Variants in DNAH3 observed in about 807,000 individuals in gnomAD.
DNAH3 encodes the protein dynein axonemal heavy chain 3, also known as axonemal beta dynein heavy chain 3.
DNAH3 carries 332 observed loss-of-function variants against 432.5 expected under a neutral mutation model. The ratio of observed to expected loss-of-function variants is 0.77; its 90% CI spans 0.70 to 0.84. The LOEUF is 0.84. Among genes scored for constraint, DNAH3 ranks in the 40% least tolerant of loss-of-function variants. The pLI is 0.00. For synonymous variants in DNAH3, 1,956 were observed against 1,900.2 expected (o/e 1.03, Z -0.76); for missense variants, 4,861 against 5,114.0 (o/e 0.95, Z 1.51).
intron 41 of DNAH3, among the ~76,000 whole-genome samples, chr16:21,005,839 C>CT (rs200954605): frequency 0.01 from 1,327 of 130,656 alleles, 9 homozygotes; most frequent in Middle Eastern, 0.024. Flanking sequence ...TTGCTCTATT[C>CT]TTTTTTTTTT....
At chr16:21,084,467 C>T (rs1031665642) in intron 19 of DNAH3, among the ~76,000 whole-genome samples, 6 of 152,148 alleles carry the variant, frequency 3.9e-5, no homozygotes, top group African/African-American at 1.4e-4. Flanking sequence ...GGACTACAGG[C>T]ATGTGCCACC....
At chr16:21,154,836 T>G (rs915191535) in intron 1 of DNAH3, among the ~76,000 whole-genome samples, 2 of 152,114 alleles carry the variant, frequency 1.3e-5, no homozygotes, top group Non-Finnish European at 2.9e-5. Flanking sequence ...GAAAGTGACT[T>G]CCCCCAGGCC....
chr16:21,084,559 C>T (rs963907922), intron 19 of DNAH3, among the ~76,000 whole-genome samples: 2 of 152,044 alleles, frequency 1.3e-5, no homozygotes, highest in African/African-American at 2.4e-5. Flanking sequence ...TGGGCTCAAG[C>T]GATCCACTTG....
chr16:21,139,320 C>CTTTTTTTTTTTTTTTTTTTTTTTTT lies in DNAH3; in HGVS notation c.696+1191_696+1215dup, dbSNP rs9302391. Among the ~76,000 whole-genome samples the CTTTTTTTTTTTTTTTTTTTTTTTTT allele has an allele frequency of 4.4e-4, 13 of 29,630 alleles. 3 individuals are homozygous for CTTTTTTTTTTTTTTTTTTTTTTTTT. The highest frequency in any genetic ancestry group is 6.5e-4 in the African/African-American group (4 of 6,110). 19.4% of individuals were successfully genotyped at this position (29,630 alleles called of 152,430 possible). ...AATGTAGCTTGAGACTTTCCTCATG[C>CTTTTTTTTTTTTTTTTTTTTTTTTT]TTTTTTTTTTTTTTTTTTTTTTTTT... On this transcript the variant is annotated intron_variant, in intron 5 of 61. Coordinates refer to ENST00000261383, the Ensembl canonical transcript of DNAH3.
intron 14 of DNAH3, among the ~76,000 whole-genome samples, chr16:21,107,945 C>T (rs2091985619): frequency 6.6e-6 from 1 of 151,928 alleles, no homozygotes; most frequent in African/African-American, 2.4e-5. Context: ...TTACGGCAAC[C>T]TCCGCCTCCT....
intron 54 of DNAH3, among the ~76,000 whole-genome samples, chr16:20,956,763 AC>A (rs2084583950): frequency 6.6e-6 from 1 of 152,100 alleles, no homozygotes; most frequent in African/African-American, 2.4e-5. Flanking sequence ...TCACTCTGTC[AC>A]CCAGGCTGGA....
intron 24 of DNAH3, chr16:21,062,971 A>G: frequency 3.0e-6 from 1 of 333,792 alleles, no homozygotes; most frequent in Non-Finnish European, 5.5e-6. Context: ...TACTGGCATG[A>G]GACATTGCAC....
intron 59 of DNAH3, among the ~76,000 whole-genome samples, chr16:20,941,181 G>A (rs572314648): frequency 2.0e-5 from 3 of 152,302 alleles, no homozygotes; most frequent in African/African-American, 7.2e-5. Context: ...TAACTTTATA[G>A]ATGTCACATG....
At chr16:20,942,090 TC>T (rs1233634951) in intron 58 of DNAH3, among the ~76,000 whole-genome samples, 4 of 130,440 alleles carry the variant, frequency 3.1e-5, no homozygotes, top group African/African-American at 1.2e-4. Context: ...AAAAAAAGAG[TC>T]GTGTCCTGAC....
Position 21,127,369 on chromosome 16 carries a change from A to G in DNAH3, c.1208+318T>C, listed in dbSNP as rs1017970480. Among the ~76,000 whole-genome samples the G allele has an allele frequency of 4.7e-5, 7 of 149,390 alleles. No individual in the cohort carries two copies. The South Asian group carries it at 6.5e-4, about 14-fold the overall frequency. ...AGATTGAGACCAGCTTGGCTAACAC[A>G]GTGAAACCCTGTCTCTACTAATAAT... On this transcript the variant is annotated intron_variant, in intron 8 of 61. Coordinates refer to ENST00000261383, the Ensembl canonical transcript of DNAH3.
intron 41 of DNAH3, among the ~76,000 whole-genome samples, chr16:21,008,628 T>C (rs2087435179): frequency 1.3e-5 from 2 of 152,188 alleles, no homozygotes; most frequent in Admixed American, 6.5e-5. Context: ...GCTTCCATGA[T>C]GGAGAGTTTC....
At chr16:21,114,718 G>C (rs111524010) in intron 12 of DNAH3, among the ~76,000 whole-genome samples, 1 of 152,160 alleles carries the variant, frequency 6.6e-6, no homozygotes, top group South Asian at 2.1e-4. Context: ...TTAGAATGGC[G>C]ATCATTAAAA....
chr16:21,123,755 T>C (rs907194895), intron 9 of DNAH3, among the ~76,000 whole-genome samples: 1 of 152,156 alleles, frequency 6.6e-6, no homozygotes, highest in African/African-American at 2.4e-5. Flanking sequence ...GGGAATGCTA[T>C]GGTGCTTTGA....
intron 59 of DNAH3, 116 bp downstream of exon 59, chr16:20,941,284 TA>T: frequency 7.9e-7 from 1 of 1,273,304 alleles, no homozygotes; most frequent in Non-Finnish European, 1.1e-6. Flanking sequence ...TTCACACCCC[TA>T]ATACGGGTGG....
exon 19 of DNAH3, chr16:21,086,929 T>C: frequency 1.9e-6 from 3 of 1,614,202 alleles, no homozygotes; most frequent in South Asian, 2.2e-5. Flanking sequence ...TTATCGATCT[T>C]GATCTTCACA....
At chr16:20,984,161 A>ATGTG (rs61445558) in intron 48 of DNAH3, among the ~76,000 whole-genome samples, 28,220 of 150,612 alleles carry the variant, frequency 0.19, 2,775 homozygotes, top group South Asian at 0.28. Flanking sequence ...CCTTATCCCA[A>ATGTG]TGTGTGTGTG....
In DNAH3 at chr16:21,012,910, C is replaced by T. The variant is rs538467315; in HGVS notation, c.6022+6714G>A. Among the ~76,000 whole-genome samples the T allele has an allele frequency of 7.2e-5, 11 of 152,064 alleles. No individual in the cohort carries two copies. In the South Asian group the frequency reaches 1.2e-3, roughly 17 times the overall value. On this transcript the variant is annotated intron_variant, in intron 41 of 61. Coordinates refer to ENST00000261383, the Ensembl canonical transcript of DNAH3. ...CTGAGTAGGTGGGACTACAGGTGAG[C>T]GCTACCACACCCAGCTAATTTTCGT...
intron 40 of DNAH3, 107 bp from the exon 41 acceptor site, chr16:21,019,976 C>G: frequency 7.8e-7 from 1 of 1,283,364 alleles, no homozygotes; most frequent in Non-Finnish European, 1.1e-6. Flanking sequence ...AGAAGGGCGA[C>G]TGATATTGGC....
intron 1 of DNAH3, among the ~76,000 whole-genome samples, chr16:21,155,659 A>C (rs2092893311): frequency 6.6e-6 from 1 of 150,780 alleles, no homozygotes; most frequent in Non-Finnish European, 1.5e-5. Flanking sequence ...TAGTATAAGC[A>C]TGTCCCATTC....
Sources: allele counts gnomAD v4.1 joint callset (sites outside exome capture counted in the v4.1 genomes callset), GRCh38; gene constraint gnomAD v4.1.1; transcripts MANE v1.5; gene names NCBI Gene and HGNC (gene_info 2026-07-23, HGNC 2026-07-21).